TLL1: variants seen among roughly 807,000 people sequenced by gnomAD.
TLL1 encodes the protein tolloid-like protein 1.
A neutral mutation model predicts 128.2 loss-of-function variants in TLL1; 49 were observed. The observed-to-expected ratio is 0.38, with a 90% CI of 0.30 to 0.48. The LOEUF (loss-of-function observed/expected upper bound fraction) is 0.48. Ranked by LOEUF, TLL1 falls within the 20% of genes least tolerant of loss-of-function variation. TLL1 has a pLI of 0.96. For missense variants in TLL1, 1,123 were observed against 1,242.0 expected (o/e 0.90, Z 1.44); for synonymous variants, 454 against 418.8 (o/e 1.08, Z -1.03).
intron 19 of TLL1, among the ~76,000 whole-genome samples, chr4:166,097,451 G>A (rs1742076112): frequency 6.6e-6 from 1 of 152,164 alleles, no homozygotes. Flanking sequence ...TACATTCACT[G>A]TGTAACACAG....
At chr4:166,039,488 C>T (rs755816819) in intron 10 of TLL1, 47 bp downstream of exon 10, 12 of 1,468,040 alleles carry the variant, frequency 8.2e-6, no homozygotes, top group South Asian at 5.7e-5. Context: ...TATTCTGTCC[C>T]GTCCAAAAAA....
At chr4:165,935,575 C>T (rs974995494) in intron 1 of TLL1, among the ~76,000 whole-genome samples, 14 of 152,156 alleles carry the variant, frequency 9.2e-5, no homozygotes, top group Non-Finnish European at 2.1e-4. Context: ...AGAACATTTC[C>T]ACTGGCTGCA....
intron 1 of TLL1, chr4:165,875,118 A>G (rs1433129252): frequency 6.6e-6 from 1 of 152,456 alleles, no homozygotes; most frequent in East Asian, 1.9e-4. Context: ...AGCGGAAGGC[A>G]CGTTAGGTTC....
chr4:165,960,563 A>G (rs950128324), intron 1 of TLL1, among the ~76,000 whole-genome samples: 6 of 152,150 alleles, frequency 3.9e-5, no homozygotes, highest in African/African-American at 1.2e-4. Flanking sequence ...AAAAATTCTC[A>G]ACAAAATACT....
intron 1 of TLL1, among the ~76,000 whole-genome samples, chr4:165,976,939 T>C (rs1465925661): frequency 6.6e-6 from 1 of 152,178 alleles, no homozygotes; most frequent in Non-Finnish European, 1.5e-5. Context: ...TAGCTCATCA[T>C]CTATAGTTAG....
intron 18 of TLL1, among the ~76,000 whole-genome samples, chr4:166,086,320 A>G (rs1741512781): frequency 6.6e-6 from 1 of 152,134 alleles, no homozygotes. Context: ...CTAGTTATCT[A>G]CTGCTGCATA....
At chr4:166,006,576 TG>T (rs1304516078) in intron 6 of TLL1, among the ~76,000 whole-genome samples, 1 of 151,750 alleles carries the variant, frequency 6.6e-6, no homozygotes, top group Non-Finnish European at 1.5e-5. Context: ...ATCATAGATT[TG>T]TTATATTAGA....
rs73863519 is a variant in TLL1, at chr4:165,993,534, C to T, written c.361+650C>T. Among the ~76,000 whole-genome samples the T allele has an allele frequency of 3.7e-3, 556 of 152,066 alleles. 5 individuals carry two copies. Among genetic ancestry groups the T allele is most frequent in the African/African-American group, 0.012 (518 of 41,502 alleles). On this transcript the variant is annotated intron_variant, in intron 3 of 20. Transcript: ENST00000061240. ...ACATATTTCCAAGGAATAATTTTCC[C>T]AAGCAAAAGTGCTTTGCTCCAGGCT...
chr4:165,956,265 G>A (rs1396257369), intron 1 of TLL1, among the ~76,000 whole-genome samples: 1 of 152,068 alleles, frequency 6.6e-6, no homozygotes, highest in Non-Finnish European at 1.5e-5. Context: ...GGGTTCGAGA[G>A]CAGAGAACCG....
chr4:165,943,345 G>A (rs932813051), intron 1 of TLL1, among the ~76,000 whole-genome samples: 1 of 152,010 alleles, frequency 6.6e-6, no homozygotes, highest in Non-Finnish European at 1.5e-5. Flanking sequence ...GTACTGTAAT[G>A]TTAATTTTAT....
chr4:166,059,525 T>A (rs1288109250), intron 14 of TLL1, among the ~76,000 whole-genome samples: 1 of 152,128 alleles, frequency 6.6e-6, no homozygotes, highest in Admixed American at 6.6e-5. Context: ...TAATATTGAG[T>A]TACTTGTCTT....
chr4:165,934,861 G>A (rs1733694856), intron 1 of TLL1, among the ~76,000 whole-genome samples: 2 of 152,130 alleles, frequency 1.3e-5, no homozygotes, highest in Admixed American at 1.3e-4. Context: ...ACACCTGTAA[G>A]CCAATCATAG....
chr4:165,914,740 A>C (rs759413839), intron 1 of TLL1, among the ~76,000 whole-genome samples: 4 of 152,188 alleles, frequency 2.6e-5, no homozygotes, highest in Non-Finnish European at 5.9e-5. Context: ...GAGGACCCTG[A>C]ACTTAGGGAA....
intron 5 of TLL1, 108 bp from the exon 6 acceptor site, chr4:166,003,283 T>A (rs1280359812): frequency 9.3e-7 from 1 of 1,076,830 alleles, no homozygotes; most frequent in East Asian, 2.4e-5. Context: ...TGTTCCTGAA[T>A]GTGTCGGACT....
intron 1 of TLL1, among the ~76,000 whole-genome samples, chr4:165,949,804 G>A (rs1025287961): frequency 6.6e-6 from 1 of 151,062 alleles, no homozygotes; most frequent in African/African-American, 2.4e-5. Flanking sequence ...CAATATGTGG[G>A]AATTATGGCA....
chr4:165,994,266 T>C (rs1736763409), intron 3 of TLL1, 115 bp from the exon 4 acceptor site: 2 of 1,249,078 alleles, frequency 1.6e-6, no homozygotes, highest in South Asian at 1.3e-5. Context: ...TTTTGACTTC[T>C]GGCATTTATA....
At chr4:165,933,752 A>G (rs1003500693) in intron 1 of TLL1, among the ~76,000 whole-genome samples, 2 of 152,128 alleles carry the variant, frequency 1.3e-5, no homozygotes, top group Non-Finnish European at 1.5e-5. Context: ...GGTCCGCTCC[A>G]CAGACACTTC....
chr4:166,066,426 AT>A (rs901058879), intron 16 of TLL1, among the ~76,000 whole-genome samples: 9 of 151,796 alleles, frequency 5.9e-5, no homozygotes, highest in Admixed American at 4.0e-4. Context: ...TTTTATGGAA[AT>A]ATATAAAAAA....
intron 11 of TLL1, 136 bp downstream of exon 11, chr4:166,042,279 T>C (rs1474416572): frequency 3.1e-6 from 2 of 640,396 alleles, no homozygotes; most frequent in South Asian, 1.6e-5. Context: ...ATAATATTCA[T>C]ACAGATAATT....
Sources: allele counts gnomAD v4.1 joint callset (sites outside exome capture counted in the v4.1 genomes callset), GRCh38; gene constraint gnomAD v4.1.1; transcripts MANE v1.5; gene names NCBI Gene and HGNC (gene_info 2026-07-23, HGNC 2026-07-21).